Variants in BCL9 observed in about 807,000 individuals in gnomAD.
BCL9 encodes the protein BCL9 transcription coactivator.
In BCL9, 25 loss-of-function variants were observed where a neutral mutation model predicts 88.5. That is an observed-to-expected ratio of 0.28 (90% CI 0.21 to 0.39). The LOEUF (loss-of-function observed/expected upper bound fraction) is 0.39. Ranked by LOEUF, BCL9 falls within the 10% of genes least tolerant of loss-of-function variation. The pLI, the probability that BCL9 is intolerant of heterozygous loss-of-function variation, is 1.00. For synonymous variants in BCL9, 711 were observed against 673.3 expected (o/e 1.06, Z -0.87); for missense variants, 1,817 against 1,877.8 (o/e 0.97, Z 0.60).
chr1:147,548,144 G>A (rs185935707), intron 1 of BCL9, among the ~76,000 whole-genome samples: 1 of 152,280 alleles, frequency 6.6e-6, no homozygotes, highest in East Asian at 1.9e-4. Context: ...TACTAGATAT[G>A]TTGGACTTTC....
rs1553204687 is a variant in BCL9, at chr1:147,619,661, C to A, written c.1506C>A (p.Val502=). The A allele has an allele frequency of 1.9e-6, 3 of 1,614,130 alleles. No homozygotes were observed. The South Asian group carries it at 3.3e-5, about 18-fold the overall frequency. Residue 502 remains valine (V), a synonymous_variant, in exon 8 of 10, where the codon GTC becomes GTA. Transcript: ENST00000234739. The surrounding 1 kb of genome is among the most constrained non-coding windows in gnomAD (Gnocchi z 4.1). The part of the protein sequence containing the change: ...VQQCSLQDMM[V]HQHGPRGVVR... Reference sequence around the variant, plus strand: ...AGTGTTCCCTCCAGGACATGATGGTCCATCAGCACGGGCCTCGGGGAGTGG... The same window carrying A: ...AGTGTTCCCTCCAGGACATGATGGTACATCAGCACGGGCCTCGGGGAGTGG...
Position 147,613,860 on chromosome 1 carries a change from A to G in BCL9, c.371-567A>G, listed in dbSNP as rs190093353. Among the ~76,000 whole-genome samples, 550 of 152,270 alleles carry G rather than the reference A, an allele frequency of 3.6e-3. 1 individual carries two copies. The highest frequency in any genetic ancestry group is 0.012 in the African/African-American group (518 of 41,558). On this transcript the variant is annotated intron_variant, in intron 5 of 9. Coordinates refer to ENST00000234739, the MANE Select transcript of BCL9 (RefSeq NM_004326.4). ...AAAAGTCTTAACTGTAGGCCAGAAC[A>G]TGAAGTTAGTATTCAAGGAATGGAA...
chr1:147,553,878 A>G (rs1654993823), intron 1 of BCL9, among the ~76,000 whole-genome samples: 1 of 152,192 alleles, frequency 6.6e-6, no homozygotes, highest in African/African-American at 2.4e-5. Flanking sequence ...TCCATCTTCA[A>G]TATCTATGAT....
intron 1 of BCL9, among the ~76,000 whole-genome samples, chr1:147,592,501 A>G (rs1264316278): frequency 6.6e-6 from 1 of 152,208 alleles, no homozygotes; most frequent in Non-Finnish European, 1.5e-5. Flanking sequence ...ATAACTTATT[A>G]AAATGAAACA....
At chr1:147,551,377 C>A (rs972556808) in intron 1 of BCL9, among the ~76,000 whole-genome samples, 6 of 152,180 alleles carry the variant, frequency 3.9e-5, no homozygotes, top group African/African-American at 1.4e-4. Flanking sequence ...TTCTTCAGTG[C>A]ACAGCCAAAG....
chr1:147,574,150 C>T (rs782361490), intron 1 of BCL9, among the ~76,000 whole-genome samples: 6 of 152,192 alleles, frequency 3.9e-5, no homozygotes, highest in Non-Finnish European at 5.9e-5. Context: ...CTTGTCTGAC[C>T]CTCAAACCCA....
chr1:147,621,389 A>G (rs1336917706), intron 8 of BCL9, among the ~76,000 whole-genome samples: 1 of 152,234 alleles, frequency 6.6e-6, no homozygotes, highest in East Asian at 1.9e-4. Context: ...TTCTTTAAAT[A>G]CTGGACCCAC....
chr1:147,581,982 A>C (rs1656392668), intron 1 of BCL9, among the ~76,000 whole-genome samples: 1 of 152,208 alleles, frequency 6.6e-6, no homozygotes, highest in African/African-American at 2.4e-5. Context: ...TAGAGAACTA[A>C]AACAAAAGAA....
At position 147,563,267 on chromosome 1, in the gene BCL9, A is replaced by T. The variant is rs1570826398; in HGVS notation, c.-478+21593A>T. Among the ~76,000 whole-genome samples the T allele has an allele frequency of 2.0e-5, 3 of 152,144 alleles. No individual in the cohort carries two copies. In the South Asian group the frequency reaches 6.2e-4, roughly 31 times the overall value. The stretch of plus-strand genomic sequence containing the variant: ...TCTTATTTATTTGTTTACTTTGTTT[A>T]TGTCGGCTCCTCTTCACCAAAAGTA... On this transcript the variant is annotated intron_variant, in intron 1 of 9. Transcript: ENST00000234739.
chr1:147,604,648 A>T (rs1657568267), intron 1 of BCL9, 129 bp from the exon 2 acceptor site: 1 of 140,996 alleles, frequency 7.1e-6, no homozygotes, highest in South Asian at 2.2e-4. Flanking sequence ...TCCCTTTTTG[A>T]CCTAACTGTT....
intron 1 of BCL9, among the ~76,000 whole-genome samples, chr1:147,595,135 A>T (rs1364117502): frequency 6.6e-6 from 1 of 152,236 alleles, no homozygotes; most frequent in Non-Finnish European, 1.5e-5. Context: ...GTAAGTAAAG[A>T]TATTCAGCAT....
intron 1 of BCL9, among the ~76,000 whole-genome samples, chr1:147,574,705 G>A (rs903461798): frequency 1.8e-4 from 28 of 152,206 alleles, no homozygotes; most frequent in Admixed American, 1.8e-3. Context: ...TGTAATTAAA[G>A]CGTGTTTGTA....
intron 1 of BCL9, among the ~76,000 whole-genome samples, chr1:147,599,570 C>A (rs587775255): frequency 6.6e-6 from 1 of 150,824 alleles, no homozygotes; most frequent in Non-Finnish European, 1.5e-5. Context: ...GAGGAGGGGA[C>A]GGGAAGAGGA....
At chr1:147,572,134 C>T (rs905750754) in intron 1 of BCL9, among the ~76,000 whole-genome samples, 1 of 151,960 alleles carries the variant, frequency 6.6e-6, no homozygotes. Flanking sequence ...CCCAGCTACT[C>T]GAGAGGCTGA....
At chr1:147,587,217 C>T (rs1482512358) in intron 1 of BCL9, among the ~76,000 whole-genome samples, 2 of 151,994 alleles carry the variant, frequency 1.3e-5, no homozygotes, top group South Asian at 4.2e-4. Context: ...CTTCTCCAGA[C>T]TTTATACGCC....
intron 1 of BCL9, among the ~76,000 whole-genome samples, chr1:147,569,527 G>A (rs1029264749): frequency 5.3e-5 from 8 of 150,672 alleles, no homozygotes; most frequent in Non-Finnish European, 1.0e-4. Context: ...GCATGTGCCC[G>A]TAATCCTAAC....
chr1:147,618,698 A>T, intron 7 of BCL9, 118 bp from the exon 8 acceptor site: 1 of 1,027,210 alleles, frequency 9.7e-7, no homozygotes, highest in Non-Finnish European at 1.3e-6. Context: ...CAATTTCTAC[A>T]GCCAGTGTCA....
chr1:147,623,319 C>G (rs901488837), intron 9 of BCL9, among the ~76,000 whole-genome samples: 1 of 152,088 alleles, frequency 6.6e-6, no homozygotes, highest in East Asian at 1.9e-4. Flanking sequence ...ATGTTACTTT[C>G]CTTTTCTATT....
At position 147,620,697 on chromosome 1, in the gene BCL9, A is replaced by G. The variant is rs1553205128; in HGVS notation, c.2542A>G (p.Ile848Val). 3.1e-6 allele frequency: 5 copies of G among 1,614,148 alleles called. No homozygotes were observed. Among genetic ancestry groups the G allele is most frequent in the South Asian group, 2.2e-5 (2 of 91,086 alleles). Reference protein sequence around the residue: ...QRGLGRKPLDISVAGSQVHSP... With the variant: ...QRGLGRKPLDVSVAGSQVHSP... ...CGGCCTGGGGCGGAAGCCCTTGGAT[A>G]TATCTGTGGCAGGCAGCCAGGTGCA... Residue 848 changes from isoleucine (I) to valine (V), a missense_variant, in exon 8 of 10, where the codon ATA becomes GTA. This residue lies in a region of BCL9 where 1,228 missense variants were observed against 1,191.6 expected (regional missense o/e 1.03). Coordinates refer to ENST00000234739, the MANE Select transcript of BCL9 (RefSeq NM_004326.4).
Sources: gnomAD v4.1 joint callset for allele counts (sites outside exome capture counted in the v4.1 genomes callset) on GRCh38, gnomAD v4.1.1 for gene constraint, gnomAD v4.1.1 regional missense constraint, Gnocchi (gnomAD v3.1) non-coding constraint, MANE v1.5 for transcripts, NCBI Gene and HGNC (gene_info 2026-07-23, HGNC 2026-07-21) for gene names.